DOCK3: variants seen among roughly 807,000 people sequenced by gnomAD.
DOCK3 encodes dedicator of cytokinesis protein 3.
In DOCK3, 60 loss-of-function variants were observed where a neutral mutation model predicts 265.6. That is an observed-to-expected ratio of 0.23 (90% CI 0.18 to 0.28). The LOEUF (loss-of-function observed/expected upper bound fraction) is 0.28. DOCK3 is among the 10% of genes least tolerant of loss of function. The pLI, the probability that DOCK3 is intolerant of heterozygous loss-of-function variation, is 1.00. For missense variants in DOCK3, 1,981 were observed against 2,594.3 expected (o/e 0.76, Z 5.14); for synonymous variants, 881 against 938.0 (o/e 0.94, Z 1.11).
At chr3:51,295,002 A>G (rs1252588214) in intron 27 of DOCK3, among the ~76,000 whole-genome samples, 1 of 152,202 alleles carries the variant, frequency 6.6e-6, no homozygotes, top group East Asian at 1.9e-4. Context: ...ATTGTGTTTA[A>G]TAATTATATA....
In DOCK3 at chr3:51,123,791, G is replaced by A. The variant is rs553868608; in HGVS notation, c.747-22758G>A. 3.9e-5 allele frequency among the ~76,000 whole-genome samples: 6 copies of A among 152,272 alleles called. No individual in the cohort carries two copies. In the East Asian group the frequency reaches 9.7e-4, roughly 24 times the overall value. On this transcript the variant is annotated intron_variant, in intron 9 of 52. Transcript: ENST00000266037. ...GGGAAGCAGGTATTTAACATAAGCCGTATTGTTCACACAGACAGTCTAGGC... is the reference window on the plus strand; with the variant it reads ...GGGAAGCAGGTATTTAACATAAGCCATATTGTTCACACAGACAGTCTAGGC...
At chr3:51,235,546 GACCCA>G (rs1438043928) in intron 19 of DOCK3, among the ~76,000 whole-genome samples, 2 of 152,144 alleles carry the variant, frequency 1.3e-5, no homozygotes, top group African/African-American at 4.8e-5. Flanking sequence ...ATGTATCTCT[GACCCA>G]ACCCCAAAGA....
At chr3:51,191,316 C>T (rs931135407) in intron 12 of DOCK3, among the ~76,000 whole-genome samples, 2 of 152,122 alleles carry the variant, frequency 1.3e-5, no homozygotes, top group Non-Finnish European at 2.9e-5. Context: ...TTGGGAGCTT[C>T]TGTTAACCTG....
intron 5 of DOCK3, among the ~76,000 whole-genome samples, chr3:51,024,063 C>T (rs1400608135): frequency 6.6e-6 from 1 of 151,772 alleles, no homozygotes; most frequent in Admixed American, 6.6e-5. Context: ...GTTTTTTTTA[C>T]TTTAAGGGTC....
chr3:51,290,283 C>T (rs1472870365), intron 27 of DOCK3, among the ~76,000 whole-genome samples: 5 of 152,176 alleles, frequency 3.3e-5, no homozygotes, highest in African/African-American at 7.2e-5. Flanking sequence ...TTGGAACCAA[C>T]GCAGATGTCC....
In DOCK3 at chr3:51,201,059, G is replaced by A. The variant is rs534154161; in HGVS notation, c.1038-7715G>A. On this transcript the variant is annotated intron_variant, in intron 12 of 52. Transcript: ENST00000266037. ...TGGAAAGGAACAACCGGTACCAGCC[G>A]CTGCAAAATCATGCCAAAATGTAAA... Among the ~76,000 whole-genome samples the A allele has an allele frequency of 8.6e-5, 13 of 151,854 alleles. No individual in the cohort carries two copies. The East Asian group carries it at 1.9e-3, about 23-fold the overall frequency.
At chr3:51,176,620 C>A (rs571888531) in intron 12 of DOCK3, among the ~76,000 whole-genome samples, 56 of 151,550 alleles carry the variant, frequency 3.7e-4, no homozygotes, top group Non-Finnish European at 6.2e-4. Context: ...AGCGAGACTC[C>A]GTCTCAAAAA....
At chr3:50,935,976 A>T (rs1575569881) in intron 5 of DOCK3, among the ~76,000 whole-genome samples, 1 of 152,342 alleles carries the variant, frequency 6.6e-6, no homozygotes, top group East Asian at 1.9e-4. Flanking sequence ...AGATGCCAAT[A>T]TTGAGATGAC....
intron 1 of DOCK3, among the ~76,000 whole-genome samples, chr3:50,770,556 CA>C (rs1198651196): frequency 3.3e-5 from 5 of 151,782 alleles, no homozygotes; most frequent in Non-Finnish European, 7.4e-5. Flanking sequence ...CCCATCAAAA[CA>C]GTGATGACAT....
chr3:50,768,423 A>G (rs944763098), intron 1 of DOCK3, among the ~76,000 whole-genome samples: 1 of 152,210 alleles, frequency 6.6e-6, no homozygotes, highest in African/African-American at 2.4e-5. Flanking sequence ...AAAATCCTCA[A>G]TAAAATACTG....
chr3:50,680,079 T>C (rs925937159), intron 1 of DOCK3, among the ~76,000 whole-genome samples: 2 of 152,190 alleles, frequency 1.3e-5, no homozygotes, highest in Admixed American at 1.3e-4. Context: ...TTACACCGTG[T>C]CCTCTGAAAG....
At chr3:50,883,588 A>G (rs2048170077) in intron 3 of DOCK3, among the ~76,000 whole-genome samples, 1 of 152,038 alleles carries the variant, frequency 6.6e-6, no homozygotes, top group Non-Finnish European at 1.5e-5. Context: ...TTTGTCTTCC[A>G]TTCCTGAAAT....
rs140090367 is a variant in DOCK3, at chr3:51,344,973, A to G, written c.3915+3588A>G. ...GCAAGATAGATGAGCATTGATCCCA[A>G]TGGAGGAGAAGACCTGTTTTTTACT... On this transcript the variant is annotated intron_variant, in intron 38 of 52. Coordinates refer to ENST00000266037, the MANE Select transcript of DOCK3 (RefSeq NM_004947.5). 2.6e-5 allele frequency among the ~76,000 whole-genome samples: 4 copies of G among 152,332 alleles called. No homozygotes were observed. In the East Asian group the frequency reaches 5.8e-4, roughly 22 times the overall value.
chr3:50,974,557 T>C (rs2077366422), intron 5 of DOCK3, among the ~76,000 whole-genome samples: 1 of 151,588 alleles, frequency 6.6e-6, no homozygotes, highest in African/African-American at 2.4e-5. Flanking sequence ...GTAGTATAGT[T>C]TGAAGTCAGG....
At chr3:51,199,560 C>G (rs534924194) in intron 12 of DOCK3, among the ~76,000 whole-genome samples, 121 of 152,388 alleles carry the variant, frequency 7.9e-4, no homozygotes, top group Admixed American at 1.4e-3. Flanking sequence ...TGGAGCCCAC[C>G]ACAGCTCAAG....
At chr3:50,695,298 G>A (rs11130255) in intron 1 of DOCK3, among the ~76,000 whole-genome samples, 14,367 of 152,290 alleles carry the variant, frequency 0.094, 836 homozygotes, top group Non-Finnish European at 0.12. Context: ...TAAGGAGCCT[G>A]TTTTTACCTC....
At chr3:51,241,503 C>T (rs1458824953) in intron 21 of DOCK3, among the ~76,000 whole-genome samples, 2 of 152,276 alleles carry the variant, frequency 1.3e-5, no homozygotes, top group South Asian at 4.1e-4. Flanking sequence ...TGGATGATAT[C>T]CTGAAATATG....
chr3:51,227,587 A>C, intron 16 of DOCK3, 142 bp downstream of exon 16: 1 of 1,273,100 alleles, frequency 7.9e-7, no homozygotes, highest in Non-Finnish European at 1.1e-6. Context: ...ATGGGATGTC[A>C]CCAGAGGCTG....
intron 22 of DOCK3, among the ~76,000 whole-genome samples, chr3:51,251,096 A>T (rs2079195897): frequency 6.6e-6 from 1 of 151,958 alleles, no homozygotes; most frequent in Non-Finnish European, 1.5e-5. Flanking sequence ...TTCAGTTCTC[A>T]CCTATGAGTG....
Sources: allele counts gnomAD v4.1 joint callset (sites outside exome capture counted in the v4.1 genomes callset), GRCh38; gene constraint gnomAD v4.1.1; transcripts MANE v1.5; gene names NCBI Gene and HGNC (gene_info 2026-07-23, HGNC 2026-07-21).